OSBPL10: variants seen among roughly 807,000 people sequenced by gnomAD.
OSBPL10 encodes oxysterol-binding protein-related protein 10.
In OSBPL10, 49 loss-of-function variants were observed where a neutral mutation model predicts 81.7. The observed-to-expected ratio is 0.60, with a 90% CI of 0.48 to 0.76. The LOEUF (loss-of-function observed/expected upper bound fraction) is 0.76. OSBPL10 is among the 30% of genes least tolerant of loss of function. The pLI is 0.00. For missense variants in OSBPL10, 923 were observed against 987.8 expected, an observed-to-expected ratio of 0.93 and a Z score of 0.88; for synonymous variants, 419 against 383.6, an observed-to-expected ratio of 1.09 and a Z score of -1.08.
intron 1 of OSBPL10, among the ~76,000 whole-genome samples, chr3:31,937,278 C>CA (rs757748683): frequency 0.088 from 7,823 of 88,876 alleles, 518 homozygotes; most frequent in East Asian, 0.32. Flanking sequence ...CACTCAGGCT[C>CA]AAAAAAAAAA....
In OSBPL10 at chr3:31,839,234, G is replaced by A. The variant is rs180836436; in HGVS notation, c.538-9003C>T. Among the ~76,000 whole-genome samples the A allele has an allele frequency of 1.6e-4, 25 of 152,256 alleles. No individual in the cohort carries two copies. In the East Asian group the frequency reaches 4.8e-3, roughly 29 times the overall value. On this transcript the variant is annotated intron_variant, in intron 3 of 11. Coordinates refer to ENST00000396556, the MANE Select transcript of OSBPL10 (RefSeq NM_017784.5). The stretch of plus-strand genomic sequence containing the variant: ...CTTTTCCAAACAGGCAGAAGAGTCT[G>A]GAAAAGACATACATACCACCACACT...
intron 4 of OSBPL10, among the ~76,000 whole-genome samples, chr3:31,762,649 T>TTTTTTTTTTTTTTTTTA (rs1698084622): frequency 7.1e-6 from 1 of 140,174 alleles, no homozygotes; most frequent in Admixed American, 7.3e-5. Flanking sequence ...TTTTTTTTTT[T>TTTTTTTTTTTTTTTTTA]GTAGAGATGG....
chr3:31,967,839 A>C (rs1202731245), intron 1 of OSBPL10, among the ~76,000 whole-genome samples: 6 of 152,214 alleles, frequency 3.9e-5, no homozygotes, highest in Admixed American at 1.3e-4. Flanking sequence ...GTCTGGATGA[A>C]GCTTCAAGAA....
At chr3:31,895,298 A>G (rs1696022131) in intron 1 of OSBPL10, among the ~76,000 whole-genome samples, 1 of 145,042 alleles carries the variant, frequency 6.9e-6, no homozygotes, top group African/African-American at 2.5e-5. Context: ...CGCCCGGCTA[A>G]TTTTTTTTTT....
intron 2 of OSBPL10, chr3:31,991,224 T>A (rs1311941875): frequency 2.2e-6 from 1 of 447,978 alleles, no homozygotes; most frequent in African/African-American, 2.0e-5. Flanking sequence ...GACGGATAGA[T>A]CACTTGAGGT....
intron 6 of OSBPL10, chr3:31,704,737 G>A (rs1346103279): frequency 6.6e-6 from 1 of 151,982 alleles, no homozygotes; most frequent in East Asian, 1.9e-4. Flanking sequence ...GCCATTGCAG[G>A]GGAAATCCTC....
At position 31,942,534 on chromosome 3, in the gene OSBPL10, CAAAAAAAAAA is replaced by C. The variant is rs34915200; in HGVS notation, c.281+38355_281+38364del. ...TGGGCGACAGGGTGAGACTCCATCTCAAAAAAAAAAAAAAAAAAAAAGTGACACATTTCCT... is the reference window on the plus strand; with the variant it reads ...TGGGCGACAGGGTGAGACTCCATCTCAAAAAAAAAAAGTGACACATTTCCT... On this transcript the variant is annotated intron_variant, in intron 1 of 11. Coordinates refer to ENST00000396556, the MANE Select transcript of OSBPL10 (RefSeq NM_017784.5). 6.0e-4 allele frequency among the ~76,000 whole-genome samples: 48 copies of C among 79,748 alleles called. 1 individual carries two copies. The highest frequency in any genetic ancestry group is 2.4e-3 in the African/African-American group (48 of 20,292). 52.3% of individuals were successfully genotyped at this position (79,748 alleles called of 152,430 possible).
intron 4 of OSBPL10, among the ~76,000 whole-genome samples, chr3:31,803,613 A>G (rs1467428558): frequency 6.6e-6 from 1 of 152,246 alleles, no homozygotes; most frequent in Non-Finnish European, 1.5e-5. Flanking sequence ...GAAGAAATTT[A>G]TATGGACAAA....
chr3:31,887,018 C>G (rs1224505339), intron 1 of OSBPL10, among the ~76,000 whole-genome samples: 1 of 152,104 alleles, frequency 6.6e-6, no homozygotes, highest in Non-Finnish European at 1.5e-5. Context: ...CAGACACCCC[C>G]ACGAACACAC....
intron 2 of OSBPL10, chr3:31,988,964 C>A: frequency 7.1e-7 from 1 of 1,405,314 alleles, no homozygotes; most frequent in South Asian, 1.3e-5. Context: ...TGTTTGTTGC[C>A]TTAAGCCACG....
chr3:31,691,096 C>T (rs1268233489), intron 7 of OSBPL10, among the ~76,000 whole-genome samples: 1 of 152,082 alleles, frequency 6.6e-6, no homozygotes, highest in Non-Finnish European at 1.5e-5. Context: ...CCTGAAATCA[C>T]TGCTGTGGAT....
chr3:31,676,600 G>A (rs983546040), intron 8 of OSBPL10, among the ~76,000 whole-genome samples: 1 of 152,236 alleles, frequency 6.6e-6, no homozygotes, highest in Admixed American at 6.5e-5. Flanking sequence ...GGAAAGTAGA[G>A]TCACAGAAGG....
At chr3:31,691,917 C>A (rs968923941) in intron 7 of OSBPL10, among the ~76,000 whole-genome samples, 1 of 152,024 alleles carries the variant, frequency 6.6e-6, no homozygotes, top group Admixed American at 6.6e-5. Context: ...CAAAATAAAG[C>A]GCAGACAATT....
intron 1 of OSBPL10, among the ~76,000 whole-genome samples, chr3:31,965,908 AAATAGAT>A (rs1698384192): frequency 9.0e-6 from 1 of 111,354 alleles, no homozygotes; most frequent in East Asian, 2.6e-4. Flanking sequence ...ATATTATATA[AAATAGAT>A]AATATATAAT....
At chr3:31,930,424 A>C (rs1386900824) in intron 1 of OSBPL10, among the ~76,000 whole-genome samples, 2 of 152,218 alleles carry the variant, frequency 1.3e-5, no homozygotes, top group Non-Finnish European at 2.9e-5. Context: ...CAAAATTTAA[A>C]AATGTACATA....
At chr3:31,943,975 A>C (rs1345134055) in intron 1 of OSBPL10, among the ~76,000 whole-genome samples, 7 of 149,444 alleles carry the variant, frequency 4.7e-5, no homozygotes, top group African/African-American at 1.7e-4. Context: ...CTCAAAAAAA[A>C]AAAAAAAAAA....
chr3:31,761,513 T>G (rs956490050), intron 4 of OSBPL10, among the ~76,000 whole-genome samples: 1 of 139,730 alleles, frequency 7.2e-6, no homozygotes, highest in East Asian at 2.0e-4. Context: ...GTAAAGAAAA[T>G]TTAAGGAAAT....
intron 1 of OSBPL10, among the ~76,000 whole-genome samples, chr3:31,915,144 G>A (rs1696716208): frequency 6.6e-6 from 1 of 150,944 alleles, no homozygotes; most frequent in Admixed American, 6.6e-5. Context: ...TGCATCCAGT[G>A]CACTGCTTTG....
intron 1 of OSBPL10, among the ~76,000 whole-genome samples, chr3:31,930,624 A>G (rs1697212199): frequency 6.6e-6 from 1 of 152,234 alleles, no homozygotes; most frequent in Admixed American, 6.5e-5. Flanking sequence ...TACACTATGT[A>G]GTCATAAGAA....
Sources: gnomAD v4.1 joint callset for allele counts (sites outside exome capture counted in the v4.1 genomes callset) on GRCh38, gnomAD v4.1.1 for gene constraint, MANE v1.5 for transcripts, NCBI Gene and HGNC (gene_info 2026-07-23, HGNC 2026-07-21) for gene names.